USP34: variants seen among roughly 807,000 people sequenced by gnomAD.
USP34 encodes the protein ubiquitin specific peptidase 34, also known as ubiquitin carboxyl-terminal hydrolase 34.
Under a neutral mutation model 460.3 loss-of-function variants are expected in USP34, and 70 were observed. The ratio of observed to expected loss-of-function variants is 0.15; its 90% confidence interval spans 0.13 to 0.19. The LOEUF is 0.19. USP34 is among the 10% of genes least tolerant of loss of function. The probability of loss-of-function intolerance (pLI) is 1.00; values close to 1 mark genes in which losing one functional copy is unlikely to be tolerated. For synonymous variants in USP34, 1,647 were observed against 1,405.3 expected (o/e 1.17, Z -3.85); for missense variants, 3,985 against 4,236.2 (o/e 0.94, Z 1.65).
chr2:61,215,676 G>C (rs1034973467), intron 67 of USP34, among the ~76,000 whole-genome samples: 1 of 152,182 alleles, frequency 6.6e-6, no homozygotes, highest in Admixed American at 6.5e-5. Context: ...CAGATAAAGA[G>C]GTGGAGGCTA....
At chr2:61,306,856 C>A (rs1296157095) in intron 27 of USP34, among the ~76,000 whole-genome samples, 2 of 152,144 alleles carry the variant, frequency 1.3e-5, no homozygotes, top group Non-Finnish European at 2.9e-5. Flanking sequence ...AACACTATTA[C>A]CCAGTTGGTG....
At chr2:61,351,066 T>C (rs1241763308) in intron 10 of USP34, among the ~76,000 whole-genome samples, 3 of 152,118 alleles carry the variant, frequency 2.0e-5, no homozygotes, top group South Asian at 2.1e-4. Flanking sequence ...CTGTAAAAAA[T>C]ACATTTTAAA....
At chr2:61,462,079 CG>C (rs1354143736) in intron 1 of USP34, among the ~76,000 whole-genome samples, 1 of 150,702 alleles carries the variant, frequency 6.6e-6, no homozygotes, top group African/African-American at 2.4e-5. Flanking sequence ...CTCTACTAAA[CG>C]TAACAAAAAT....
chr2:61,286,168 G>A (rs890452059), intron 34 of USP34, among the ~76,000 whole-genome samples: 2 of 152,024 alleles, frequency 1.3e-5, no homozygotes, highest in African/African-American at 4.8e-5. Context: ...GAAAAATGAT[G>A]GTAAACTCTT....
chr2:61,450,439 T>G (rs1032641214), intron 1 of USP34, among the ~76,000 whole-genome samples: 4 of 152,182 alleles, frequency 2.6e-5, no homozygotes, highest in African/African-American at 9.7e-5. Flanking sequence ...AAAGTAATTG[T>G]GGTTTACAAG....
At chr2:61,255,168 C>T (rs1161497310) in intron 48 of USP34, among the ~76,000 whole-genome samples, 2 of 152,096 alleles carry the variant, frequency 1.3e-5, no homozygotes, top group African/African-American at 4.8e-5. Flanking sequence ...TATTATTTTC[C>T]AAGAAATTCT....
chr2:61,349,827 C>T (rs549300577), intron 12 of USP34, among the ~76,000 whole-genome samples: 35 of 148,842 alleles, frequency 2.4e-4, no homozygotes, highest in Admixed American at 1.4e-4. Context: ...GGTGACAGAC[C>T]GAGGCTCCGT....
chr2:61,265,442 T>C lies in USP34; in HGVS notation c.5733A>G (p.Gln1911=). ...GTCTTGCCTCAGGTATCATATAAAG[T>C]TGCTGAATAGTAGAAGCTAAGTAAC... ...ATCYLASTIQ[Q]LYMIPEARQA... is the part of the protein sequence containing the mutation. Residue 1911 remains glutamine, a synonymous_variant, in exon 43 of 80, where the codon CAA becomes CAG. Transcript: ENST00000398571. The C allele has an allele frequency of 6.2e-7, 1 of 1,613,260 alleles. No individual in the cohort carries two copies. Among genetic ancestry groups the C allele is most frequent in the Non-Finnish European group, 8.5e-7 (1 of 1,179,800 alleles).
chr2:61,261,833 G>A (rs1020595693), intron 43 of USP34, among the ~76,000 whole-genome samples: 19 of 151,920 alleles, frequency 1.3e-4, no homozygotes, highest in Admixed American at 3.3e-4. Context: ...GGCTGGGCGC[G>A]GTGGCTTACA....
chr2:61,211,794 A>C lies in USP34; in HGVS notation c.8818T>G (p.Ser2940Ala), dbSNP rs769375917. The change falls in exon 69 of 80, where the codon TCC (serine) becomes GCC (alanine). Residue 2940 changes from serine to alanine, a missense_variant. By Grantham distance (99) the Ser-to-Ala change is moderately conservative. This residue lies in a region of USP34 where 275 missense variants were observed against 292.7 expected (regional missense o/e 0.94). Transcript: ENST00000398571. ...SCYLRCLDGRSCWTTLISAFR... is the reference protein window; with the variant it reads ...SCYLRCLDGRACWTTLISAFR... Reference sequence around the variant, plus strand: ...TACCTTATTAAAGTAGTCCAGCAGGAGCGGCCATCTAAGCAACGTAAGTAA... The same window carrying C: ...TACCTTATTAAAGTAGTCCAGCAGGCGCGGCCATCTAAGCAACGTAAGTAA... 13 of 1,588,086 alleles carry C rather than the reference A, an allele frequency of 8.2e-6. No individual in the cohort carries two copies. Among genetic ancestry groups the C allele is most frequent in the Non-Finnish European group, 1.1e-5 (13 of 1,172,144 alleles).
chr2:61,246,178 C>T (rs1317611946), intron 50 of USP34, 146 bp downstream of exon 50: 2 of 511,848 alleles, frequency 3.9e-6, no homozygotes, highest in Non-Finnish European at 6.5e-6. Context: ...CTGATTTACA[C>T]TGTCTGTTGA....
chr2:61,318,190 CAAA>C (rs35751865), intron 22 of USP34, among the ~76,000 whole-genome samples: 2 of 108,174 alleles, frequency 1.8e-5, no homozygotes, highest in Non-Finnish European at 1.8e-5. Flanking sequence ...AAGCCCATCT[CAAA>C]AAAAAAAAAA....
intron 48 of USP34, chr2:61,249,887 C>G (rs1688528672): frequency 6.2e-6 from 1 of 160,636 alleles, no homozygotes; most frequent in Non-Finnish European, 1.4e-5. Flanking sequence ...GACAGGATAC[C>G]TCGCTCTCAG....
At chr2:61,351,096 G>A (rs933373246) in intron 10 of USP34, among the ~76,000 whole-genome samples, 4 of 152,160 alleles carry the variant, frequency 2.6e-5, no homozygotes, top group Non-Finnish European at 5.9e-5. Flanking sequence ...GTGCTGAGGT[G>A]CACACCTGTG....
At chr2:61,467,843 G>A (rs973406682) in intron 1 of USP34, among the ~76,000 whole-genome samples, 1 of 151,846 alleles carries the variant, frequency 6.6e-6, no homozygotes, top group South Asian at 2.1e-4. Flanking sequence ...GGCTGGTCTC[G>A]AGCTCCTGAC....
intron 48 of USP34, among the ~76,000 whole-genome samples, chr2:61,251,982 C>G (rs1688597033): frequency 6.7e-6 from 1 of 150,358 alleles, no homozygotes; most frequent in Admixed American, 6.6e-5. Flanking sequence ...AAAAAAACAG[C>G]AAACACACCC....
At chr2:61,348,647 A>C in intron 14 of USP34, 109 bp downstream of exon 14, 1 of 1,457,904 alleles carries the variant, frequency 6.9e-7, no homozygotes, top group South Asian at 1.5e-5. Context: ...ATATTACGTA[A>C]AGGAGAGGAC....
chr2:61,235,407 C>G (rs967251602), intron 57 of USP34, among the ~76,000 whole-genome samples: 1 of 150,154 alleles, frequency 6.7e-6, no homozygotes, highest in Non-Finnish European at 1.5e-5. Flanking sequence ...CTCACTACAA[C>G]CTCTGCCTCC....
chr2:61,276,708 C>CA (rs1183987577), intron 41 of USP34, among the ~76,000 whole-genome samples: 1 of 152,104 alleles, frequency 6.6e-6, no homozygotes, highest in African/African-American at 2.4e-5. Context: ...CTTCAATCAA[C>CA]AAGGCTGTAA....
Sources: gnomAD v4.1 joint callset for allele counts (sites outside exome capture counted in the v4.1 genomes callset) on GRCh38, gnomAD v4.1.1 for gene constraint, gnomAD v4.1.1 regional missense constraint, MANE v1.5 for transcripts, NCBI Gene and HGNC (gene_info 2026-07-23, HGNC 2026-07-21) for gene names.